DLGAP1: variants seen among roughly 807,000 people sequenced by gnomAD.
DLGAP1 encodes DLG associated protein 1.
A neutral mutation model predicts 90.8 loss-of-function variants in DLGAP1; 11 were observed. The ratio of observed to expected loss-of-function variants is 0.12; its 90% confidence interval spans 0.08 to 0.20. The LOEUF is 0.20. Among genes scored for constraint, DLGAP1 ranks in the 10% least tolerant of loss-of-function variants. The pLI, the probability that DLGAP1 is intolerant of heterozygous loss-of-function variation, is 1.00. For missense variants in DLGAP1, 1,050 were observed against 1,333.8 expected, an observed-to-expected ratio of 0.79 and a Z score of 3.31; for synonymous variants, 558 against 540.7, an observed-to-expected ratio of 1.03 and a Z score of -0.44.
At chr18:3,742,030 A>G (rs1307642782) in intron 6 of DLGAP1, among the ~76,000 whole-genome samples, 1 of 152,020 alleles carries the variant, frequency 6.6e-6, no homozygotes, top group Non-Finnish European at 1.5e-5. Flanking sequence ...TTTGATAGAT[A>G]CAGGGTTTCA....
At chr18:4,080,996 C>T (rs1243653954) in intron 2 of DLGAP1, among the ~76,000 whole-genome samples, 1 of 150,864 alleles carries the variant, frequency 6.6e-6, no homozygotes, top group Non-Finnish European at 1.5e-5. Flanking sequence ...TCAAGTGATT[C>T]TCCTGCCTCA....
intron 1 of DLGAP1, among the ~76,000 whole-genome samples, chr18:4,340,365 C>T (rs905600518): frequency 2.6e-5 from 4 of 152,028 alleles, no homozygotes; most frequent in Admixed American, 1.3e-4. Flanking sequence ...CATCACATTA[C>T]TCAAAACGGC....
intron 1 of DLGAP1, among the ~76,000 whole-genome samples, chr18:4,441,269 T>C (rs1314086817): frequency 6.6e-6 from 1 of 152,160 alleles, no homozygotes; most frequent in Non-Finnish European, 1.5e-5. Flanking sequence ...AGATCGTTTC[T>C]TGGAAAGAAG....
chr18:4,148,728 T>G lies in DLGAP1; in HGVS notation c.-159+2452A>C, dbSNP rs537877319. On this transcript the variant is annotated intron_variant, in intron 2 of 12. Transcript: ENST00000315677. ...CTTTCTCCTGTCCCCTCCACTTTAA[T>G]TTCCTTCACGAGGAAATCTGCATGC... is the stretch of plus-strand genomic sequence containing the variant. Among the ~76,000 whole-genome samples, 7 of 152,338 alleles carry G rather than the reference T, an allele frequency of 4.6e-5. No individual in the cohort carries two copies. In the East Asian group the frequency reaches 1.4e-3, roughly 29 times the overall value.
At chr18:4,125,244 A>G (rs2076214664) in intron 2 of DLGAP1, among the ~76,000 whole-genome samples, 1 of 152,224 alleles carries the variant, frequency 6.6e-6, no homozygotes, top group South Asian at 2.1e-4. Flanking sequence ...ACAGCAGTGC[A>G]TATGTTTGAA....
rs116858084 is a variant in DLGAP1 at position 4,045,111 on chromosome 18, C to T, written c.-158-39910G>A. ...TAATATTTTTATCCCTTCTAAGAGACGGTCTGTTCTAATGGGCAACAGTCC... is the reference window on the plus strand; with the variant it reads ...TAATATTTTTATCCCTTCTAAGAGATGGTCTGTTCTAATGGGCAACAGTCC... On this transcript the variant is annotated intron_variant, in intron 2 of 12. Coordinates refer to ENST00000315677, the MANE Select transcript of DLGAP1 (RefSeq NM_004746.4). 3.9e-4 allele frequency among the ~76,000 whole-genome samples: 60 copies of T among 152,106 alleles called. 1 individual carries two copies. The highest frequency in any genetic ancestry group is 3.4e-3 in the Middle Eastern group (1 of 294).
At chr18:3,996,953 A>C (rs953894681) in intron 3 of DLGAP1, among the ~76,000 whole-genome samples, 70 of 152,006 alleles carry the variant, frequency 4.6e-4, no homozygotes, top group African/African-American at 1.6e-3. Flanking sequence ...CATTAATTAC[A>C]GTGCTCATGT....
chr18:3,509,134 G>A (rs1217165494), intron 10 of DLGAP1, among the ~76,000 whole-genome samples: 1 of 151,978 alleles, frequency 6.6e-6, no homozygotes, highest in African/African-American at 2.4e-5. Flanking sequence ...AAACTAGAGG[G>A]GGAATCTCTT....
chr18:4,135,640 T>G (rs111581633), intron 2 of DLGAP1, among the ~76,000 whole-genome samples: 2 of 152,238 alleles, frequency 1.3e-5, no homozygotes, highest in South Asian at 4.1e-4. Flanking sequence ...ATTGTTCTAC[T>G]CTCTATCTCC....
At chr18:4,407,786 G>T (rs2082693602) in intron 1 of DLGAP1, among the ~76,000 whole-genome samples, 1 of 152,040 alleles carries the variant, frequency 6.6e-6, no homozygotes, top group Non-Finnish European at 1.5e-5. Context: ...GGAAGGCTGA[G>T]GCAGGAGAAT....
Position 3,770,702 on chromosome 18 carries a change from C to T in DLGAP1, c.1173-28190G>A, listed in dbSNP as rs534070687. 1.8e-4 allele frequency among the ~76,000 whole-genome samples: 28 copies of T among 152,264 alleles called. No homozygotes were observed. In the South Asian group the frequency reaches 2.3e-3, roughly 12 times the overall value. On this transcript the variant is annotated intron_variant, in intron 5 of 12. Coordinates refer to ENST00000315677, the MANE Select transcript of DLGAP1 (RefSeq NM_004746.4). ...TCTGAACAGAAAGTATAATTGCATA[C>T]GCTATAAGGCAGAAGTATATTTGAA...
chr18:3,522,677 G>C (rs1382200370), intron 10 of DLGAP1, among the ~76,000 whole-genome samples: 1 of 150,454 alleles, frequency 6.6e-6, no homozygotes, highest in Non-Finnish European at 1.5e-5. Context: ...CAAGTAGCTG[G>C]GACTATAGGG....
intron 9 of DLGAP1, among the ~76,000 whole-genome samples, chr18:3,543,166 A>ATTTTTTTTTTTTTTTTT (rs76751283): frequency 2.2e-4 from 14 of 64,148 alleles, no homozygotes; most frequent in African/African-American, 3.9e-4. Context: ...CATGACTCCA[A>ATTTTTTTTTTTTTTTTT]TTTTTTTTTT....
chr18:3,628,083 C>T (rs1031695594), intron 7 of DLGAP1, among the ~76,000 whole-genome samples: 1 of 151,924 alleles, frequency 6.6e-6, no homozygotes, highest in East Asian at 1.9e-4. Context: ...ACTATGTTGG[C>T]CAGGCTGGTC....
At chr18:3,580,065 G>C in intron 8 of DLGAP1, 1 of 714,786 alleles carries the variant, frequency 1.4e-6, no homozygotes. Context: ...CCTCATGTTT[G>C]ATTGTGTTCA....
chr18:3,686,537 G>A (rs994206096), intron 7 of DLGAP1, among the ~76,000 whole-genome samples: 3 of 152,148 alleles, frequency 2.0e-5, no homozygotes, highest in Admixed American at 6.5e-5. Flanking sequence ...ATAGCAATGG[G>A]GGCTCTGTAC....
intron 2 of DLGAP1, among the ~76,000 whole-genome samples, chr18:4,056,454 C>T (rs770931877): frequency 1.3e-5 from 2 of 152,166 alleles, no homozygotes; most frequent in African/African-American, 4.8e-5. Context: ...AGTTATGATC[C>T]CACAGCATGA....
At chr18:4,371,893 AAAG>A (rs900930647) in intron 1 of DLGAP1, among the ~76,000 whole-genome samples, 55 of 152,344 alleles carry the variant, frequency 3.6e-4, no homozygotes, top group African/African-American at 1.3e-3. Flanking sequence ...TTCCAGCCAC[AAAG>A]AAGGACAAAG....
chr18:3,552,516 C>A (rs1239729267), intron 9 of DLGAP1, among the ~76,000 whole-genome samples: 1 of 152,194 alleles, frequency 6.6e-6, no homozygotes, highest in Non-Finnish European at 1.5e-5. Flanking sequence ...CTCTGCCACA[C>A]TGCCATGTAG....
Sources: allele counts gnomAD v4.1 joint callset (sites outside exome capture counted in the v4.1 genomes callset), GRCh38; gene constraint gnomAD v4.1.1; transcripts MANE v1.5; gene names NCBI Gene and HGNC (gene_info 2026-07-23, HGNC 2026-07-21).